NRXN3: variants seen among roughly 807,000 people sequenced by gnomAD.
NRXN3 encodes neurexin 3.
A neutral mutation model predicts 137.6 loss-of-function variants in NRXN3; 32 were observed. That is an observed-to-expected ratio of 0.23 (90% CI 0.18 to 0.31). NRXN3 has a LOEUF of 0.31. Among genes scored for constraint, NRXN3 ranks in the 10% least tolerant of loss-of-function variants. NRXN3 has a pLI of 1.00. For synonymous variants in NRXN3, 798 were observed against 784.5 expected (o/e 1.02, Z -0.29); for missense variants, 1,574 against 2,062.5 (o/e 0.76, Z 4.59).
chr14:78,282,437 C>G (rs946678167), intron 3 of NRXN3: 24 of 271,472 alleles, frequency 8.8e-5, no homozygotes, highest in Non-Finnish European at 1.5e-4. Context: ...GACAGCCTCT[C>G]TCCTCCGAAG....
intron 15 of NRXN3, among the ~76,000 whole-genome samples, chr14:79,441,366 CTTTTTTTTT>C (rs869170695): frequency 8.5e-4 from 57 of 67,242 alleles, no homozygotes; most frequent in East Asian, 6.0e-3. Context: ...AACAGAAAAT[CTTTTTTTTT>C]TTTTTTTTTT....
intron 4 of NRXN3, among the ~76,000 whole-genome samples, chr14:78,361,740 C>G (rs2085147420): frequency 6.6e-6 from 1 of 152,162 alleles, no homozygotes; most frequent in Non-Finnish European, 1.5e-5. Context: ...AGTGTATTAT[C>G]TATGGTGTAT....
At chr14:79,613,167 G>A (rs1414122200) in intron 16 of NRXN3, among the ~76,000 whole-genome samples, 1 of 152,218 alleles carries the variant, frequency 6.6e-6, no homozygotes, top group East Asian at 1.9e-4. Flanking sequence ...CTTAAAGATG[G>A]AAGTTATGAT....
At chr14:78,614,017 T>G (rs61976092) in intron 4 of NRXN3, among the ~76,000 whole-genome samples, 20,860 of 152,186 alleles carry the variant, frequency 0.14, 1,991 homozygotes, top group African/African-American at 0.27. Flanking sequence ...GGGTTGGTTG[T>G]AGCTTAGAGA....
intron 4 of NRXN3, among the ~76,000 whole-genome samples, chr14:78,439,273 A>G (rs536348329): frequency 6.6e-6 from 1 of 152,302 alleles, no homozygotes; most frequent in Non-Finnish European, 1.5e-5. Flanking sequence ...GAAAAGGTAG[A>G]GAAAAGCTTA....
intron 19 of NRXN3, among the ~76,000 whole-genome samples, chr14:79,790,830 A>G (rs2099142948): frequency 6.6e-6 from 1 of 151,996 alleles, no homozygotes; most frequent in Non-Finnish European, 1.5e-5. Context: ...CATCTTGGCC[A>G]GGTGGGTCTT....
At chr14:78,172,555 T>C (rs1036169080) in intron 1 of NRXN3, among the ~76,000 whole-genome samples, 1 of 151,942 alleles carries the variant, frequency 6.6e-6, no homozygotes, top group African/African-American at 2.4e-5. Flanking sequence ...ATATTCCTAT[T>C]GTTTGATTTT....
intron 4 of NRXN3, among the ~76,000 whole-genome samples, chr14:78,562,813 T>C (rs1178763686): frequency 1.3e-5 from 2 of 152,234 alleles, no homozygotes. Flanking sequence ...ATAACCATAA[T>C]AGAAATTTGT....
chr14:79,771,097 G>C lies in NRXN3; in HGVS notation c.4015-34015G>C, dbSNP rs140243295. Among the ~76,000 whole-genome samples the C allele has an allele frequency of 2.6e-5, 4 of 152,254 alleles. No individual in the cohort carries two copies. In the East Asian group the frequency reaches 7.7e-4, roughly 29 times the overall value. ...CAGGAAGAAATTGAGTCTCTGAATA[G>C]ACGAATAAGAGGAGCTGAAATTGTG... On this transcript the variant is annotated intron_variant, in intron 19 of 20. Transcript: ENST00000335750.
chr14:78,962,722 C>CT (rs34252004), intron 11 of NRXN3, among the ~76,000 whole-genome samples: 13,944 of 150,556 alleles, frequency 0.093, 1,604 homozygotes, highest in East Asian at 0.38. Context: ...TTCTTTCTTT[C>CT]TTTTTTTTTG....
intron 4 of NRXN3, among the ~76,000 whole-genome samples, chr14:78,640,278 A>G (rs2097609765): frequency 6.6e-6 from 1 of 152,228 alleles, no homozygotes; most frequent in African/African-American, 2.4e-5. Flanking sequence ...AAGTAGTTCA[A>G]ATGTATTTCT....
At chr14:79,787,305 A>T (rs2099132142) in intron 19 of NRXN3, among the ~76,000 whole-genome samples, 1 of 152,150 alleles carries the variant, frequency 6.6e-6, no homozygotes, top group South Asian at 2.1e-4. Context: ...GTACGACGTG[A>T]TGTTTCAATG....
At chr14:78,219,096 C>A (rs1596021783) in intron 1 of NRXN3, among the ~76,000 whole-genome samples, 1 of 152,144 alleles carries the variant, frequency 6.6e-6, no homozygotes, top group South Asian at 2.1e-4. Context: ...TTAGTTAGCT[C>A]TTTAAATAAT....
chr14:79,787,351 T>C (rs2099132282), intron 19 of NRXN3, among the ~76,000 whole-genome samples: 1 of 152,182 alleles, frequency 6.6e-6, no homozygotes. Flanking sequence ...CCCAGGATAA[T>C]TAACATACTC....
chr14:79,128,372 A>T (rs1234502768), intron 15 of NRXN3, among the ~76,000 whole-genome samples: 2 of 148,168 alleles, frequency 1.3e-5, no homozygotes, highest in Admixed American at 1.4e-4. Context: ...ATTTATTGAG[A>T]GTTTTTAGCA....
chr14:78,615,327 G>A (rs545916439), intron 4 of NRXN3, among the ~76,000 whole-genome samples: 20 of 152,122 alleles, frequency 1.3e-4, no homozygotes, highest in South Asian at 8.3e-4. Context: ...AGGGCCGGGC[G>A]CGGTGGCTCA....
intron 15 of NRXN3, among the ~76,000 whole-genome samples, chr14:79,415,071 T>C (rs2597089): frequency 0.32 from 47,896 of 152,050 alleles, 8,209 homozygotes; most frequent in Middle Eastern, 0.53. Context: ...AATATTTCTA[T>C]ATATATGTGT....
chr14:79,475,915 G>A (rs966551338), intron 16 of NRXN3, among the ~76,000 whole-genome samples: 1 of 152,094 alleles, frequency 6.6e-6, no homozygotes, highest in Non-Finnish European at 1.5e-5. Flanking sequence ...AATAGCAGAA[G>A]CTTTTTAGAT....
chr14:78,831,876 G>C (rs2098983428), intron 10 of NRXN3, among the ~76,000 whole-genome samples: 1 of 151,842 alleles, frequency 6.6e-6, no homozygotes, highest in South Asian at 2.1e-4. Context: ...CATTGACCTT[G>C]AAATGAAAAA....
Sources: gnomAD v4.1 joint callset for allele counts (sites outside exome capture counted in the v4.1 genomes callset) on GRCh38, gnomAD v4.1.1 for gene constraint, MANE v1.5 for transcripts, NCBI Gene and HGNC (gene_info 2026-07-23, HGNC 2026-07-21) for gene names.